The following ZNF862 variants were observed in gnomAD, a reference collection of about 807,000 sequenced individuals.
ZNF862 encodes the protein zinc finger protein 862.
In ZNF862, 64 loss-of-function variants were observed where a neutral mutation model predicts 91.1. The observed-to-expected ratio is 0.70, with a 90% CI of 0.57 to 0.87. The LOEUF (loss-of-function observed/expected upper bound fraction) is 0.87. Ranked by LOEUF, ZNF862 falls within the 40% of genes least tolerant of loss-of-function variation. ZNF862 has a pLI of 0.00. For synonymous variants in ZNF862, 631 were observed against 618.1 expected (o/e 1.02, Z -0.31); for missense variants, 1,459 against 1,528.0 (o/e 0.95, Z 0.75).
Position 149,848,080 on chromosome 7 carries a change from G to T in ZNF862, c.587G>T (p.Ser196Ile). 6.2e-7 allele frequency: 1 copy of T among 1,614,056 alleles called. No homozygotes were observed. ...KVETLKYHAK[S>I]KAHMFCVNAL... is the part of the protein sequence containing the mutation. Reference sequence around the variant, plus strand: ...GAGACTCTCAAATACCACGCGAAGAGCAAGGCCCACATGTTCTGTGTCAAT... The same window carrying T: ...GAGACTCTCAAATACCACGCGAAGATCAAGGCCCACATGTTCTGTGTCAAT... The change falls in exon 4 of 8, where the codon AGC (serine) becomes ATC (isoleucine). Residue 196 changes from serine (S) to isoleucine (I), a missense_variant. Coordinates refer to ENST00000223210, the MANE Select transcript of ZNF862 (RefSeq NM_001099220.3).
At position 149,861,293 on chromosome 7, in the gene ZNF862, G is replaced by C. The variant is rs1313510858; in HGVS notation, c.2133G>C (p.Lys711Asn). ...MLSCRGGLVE[K>N]FQEVIPQLLP... ...GCTGCAGAGGAGGCCTTGTGGAAAA[G>C]TTCCAGGAGGTCATCCCGCAGCTGC... Residue 711 changes from lysine to asparagine, a missense_variant, in exon 7 of 8, where the codon AAG becomes AAC. Coordinates refer to ENST00000223210, the MANE Select transcript of ZNF862 (RefSeq NM_001099220.3). This position sits in a 1 kb window ranked among gnomAD's most constrained non-coding sequence, Gnocchi z 6.7. 6.2e-7 allele frequency: 1 copy of C among 1,612,562 alleles called. No individual in the cohort carries two copies. The highest frequency in any genetic ancestry group is 8.5e-7 in the Non-Finnish European group (1 of 1,179,780).
At chr7:149,854,814 C>T (rs952689358) in intron 5 of ZNF862, among the ~76,000 whole-genome samples, 3 of 152,242 alleles carry the variant, frequency 2.0e-5, no homozygotes, top group Non-Finnish European at 2.9e-5. Flanking sequence ...TGTTTGGAAT[C>T]GTCACGTGCC....
intron 5 of ZNF862, among the ~76,000 whole-genome samples, chr7:149,856,599 G>A (rs1286145977): frequency 6.6e-6 from 1 of 152,120 alleles, no homozygotes; most frequent in Non-Finnish European, 1.5e-5. Flanking sequence ...TCTTTTCCAC[G>A]TGACGGGACA....
At chr7:149,843,961 A>C (rs1801788983) in intron 1 of ZNF862, among the ~76,000 whole-genome samples, 1 of 152,096 alleles carries the variant, frequency 6.6e-6, no homozygotes, top group Admixed American at 6.5e-5. Flanking sequence ...GGTTTTCAAG[A>C]GTGTATTGCT....
rs1482071235 is a variant in ZNF862 at position 149,866,447 on chromosome 7, A to G, written c.*2163A>G. 1.3e-5 allele frequency: 2 copies of G among 152,228 alleles called. No individual in the cohort carries two copies. Among genetic ancestry groups the G allele is most frequent in the African/African-American group, 4.8e-5 (2 of 41,448 alleles). The allele number at this position is 152,228 out of a possible 1,614,324, so 9.4% of individuals were successfully genotyped here. A position where few individuals can be genotyped will look rare whatever the true frequency, so the allele number is the denominator to read the frequency against. ...TTCCACATCAAGGTGCTGTTCCAGCACACATGCTTCCTGCGGCCTCTTCAT... is the reference window on the plus strand; with the variant it reads ...TTCCACATCAAGGTGCTGTTCCAGCGCACATGCTTCCTGCGGCCTCTTCAT... On this transcript the variant is annotated 3_prime_UTR_variant, in exon 8 of 8. Transcript: ENST00000223210.
chr7:149,865,682 C>T lies in ZNF862; in HGVS notation c.*1398C>T, dbSNP rs1802690126. ...ACCATGGGCAGGAAATGAGGCAAGT[C>T]AGCAGGCAGGGTTTCTCTGCCCTGC... On this transcript the variant is annotated 3_prime_UTR_variant, in exon 8 of 8. Transcript: ENST00000223210. 1 of 152,338 alleles carries T rather than the reference C, an allele frequency of 6.6e-6. No individual in the cohort carries two copies. 9.4% of individuals were successfully genotyped at this position (152,338 alleles called of 1,614,324 possible). A position where few individuals can be genotyped will look rare whatever the true frequency, so the allele number is the denominator to read the frequency against.
Position 149,846,171 on chromosome 7 carries a change from G to C in ZNF862, c.157G>C (p.Glu53Gln). 2 of 1,612,142 alleles carry C rather than the reference G, an allele frequency of 1.2e-6. No homozygotes were observed. Among genetic ancestry groups the C allele is most frequent in the Non-Finnish European group, 1.7e-6 (2 of 1,179,572 alleles). Residue 53 changes from glutamate to glutamine, a missense_variant, in exon 3 of 8, where the codon GAG (glutamate) becomes CAG (glutamine). Transcript: ENST00000223210. ...CTCAGGACCAACTGTTGCCAATCCT[G>C]AGCTGTTCCGCAAGTTCGGACGAGG... ...APLGPTVANP[E>Q]LFRKFGRGPE...
In ZNF862 at chr7:149,861,302, G is replaced by A. The variant is rs748025900; in HGVS notation, c.2142G>A (p.Glu714=). 14 of 1,612,712 alleles carry A rather than the reference G, an allele frequency of 8.7e-6. No homozygotes were observed. The highest frequency in any genetic ancestry group is 1.1e-5 in the Non-Finnish European group (13 of 1,179,824). The change falls in exon 7 of 8, where the codon GAG becomes GAA. Residue 714 remains glutamate (E), a synonymous_variant. Coordinates refer to ENST00000223210, the MANE Select transcript of ZNF862 (RefSeq NM_001099220.3). The surrounding 1 kb of genome is among the most constrained non-coding windows in gnomAD (Gnocchi z 6.7). ...CRGGLVEKFQ[E]VIPQLLPVHC... Reference sequence around the variant, plus strand: ...GAGGCCTTGTGGAAAAGTTCCAGGAGGTCATCCCGCAGCTGCTGCCTGTCC... The same window carrying A: ...GAGGCCTTGTGGAAAAGTTCCAGGAAGTCATCCCGCAGCTGCTGCCTGTCC...
chr7:149,849,650 G>C (rs909497932), intron 4 of ZNF862, among the ~76,000 whole-genome samples: 1 of 152,140 alleles, frequency 6.6e-6, no homozygotes, highest in Non-Finnish European at 1.5e-5. Flanking sequence ...TTCTTTTCCT[G>C]TTCCTGATAT....
Position 149,861,629 on chromosome 7 carries a change from C to T in ZNF862, c.2469C>T (p.His823=), listed in dbSNP as rs904401574. ...CAGAGGCTGGGGGCCAGATTGGGCA[C>T]CGGGCCAAAGGGATGCTGAAGCTCA... The part of the protein sequence containing the change: ...RVAEAGGQIG[H]RAKGMLKLMR... Residue 823 remains histidine, a synonymous_variant, in exon 7 of 8, where the codon CAC becomes CAT. Coordinates refer to ENST00000223210, the MANE Select transcript of ZNF862 (RefSeq NM_001099220.3). This position sits in a 1 kb window ranked among gnomAD's most constrained non-coding sequence, Gnocchi z 6.7. 27 of 1,604,322 alleles carry T rather than the reference C, an allele frequency of 1.7e-5. No individual in the cohort carries two copies. The highest frequency in any genetic ancestry group is 2.2e-5 in the Non-Finnish European group (26 of 1,177,166).
At chr7:149,841,442 C>G (rs1373333593) in intron 1 of ZNF862, 1 of 981,372 alleles carries the variant, frequency 1.0e-6, no homozygotes, top group Non-Finnish European at 1.2e-6. Flanking sequence ...TCTTCCTAAC[C>G]CTTATCACTA....
Position 149,862,006 on chromosome 7 carries a change from T to C in ZNF862, c.2846T>C (p.Val949Ala). 1 of 1,613,420 alleles carries C rather than the reference T, an allele frequency of 6.2e-7. No homozygotes were observed. The highest frequency in any genetic ancestry group is 8.5e-7 in the Non-Finnish European group (1 of 1,179,800). ...CCCCCACAGCTGAAGAACATGGAGG[T>C]GTTTGACACCATGGCCTGGCCAAGT... ...DRPPQLKNME[V>A]FDTMAWPSGI... Residue 949 changes from valine (V) to alanine (A), a missense_variant, in exon 7 of 8, where the codon GTG (valine) becomes GCG (alanine). Coordinates refer to ENST00000223210, the MANE Select transcript of ZNF862 (RefSeq NM_001099220.3).
intron 3 of ZNF862, 63 bp from the exon 4 acceptor site, chr7:149,847,672 G>A: frequency 8.4e-7 from 1 of 1,194,926 alleles, no homozygotes; most frequent in Non-Finnish European, 1.2e-6. Context: ...CAGAGCCCCT[G>A]TGAGTTGCAG....
rs559759865 is a variant in ZNF862, at chr7:149,850,957, G to A, written c.1117+619G>A. 6.5e-6 allele frequency: 1 copy of A among 153,038 alleles called. No homozygotes were observed. Among genetic ancestry groups the A allele is most frequent in the Non-Finnish European group, 1.5e-5 (1 of 68,568 alleles). The allele number at this position is 153,038 out of a possible 1,614,324, so 9.5% of individuals were successfully genotyped here. ...GCAGCCTTCAGCACGGGAGTCATGGGGTTTGGACCTTGGCAGATTAGGAAG... is the reference window on the plus strand; with the variant it reads ...GCAGCCTTCAGCACGGGAGTCATGGAGTTTGGACCTTGGCAGATTAGGAAG... On this transcript the variant is annotated intron_variant, in intron 5 of 7. Transcript: ENST00000223210. The surrounding 1 kb of genome is among the most constrained non-coding windows in gnomAD (Gnocchi z 4.2).
chr7:149,852,337 T>TG (rs1554448262), intron 5 of ZNF862, among the ~76,000 whole-genome samples: 2 of 140,408 alleles, frequency 1.4e-5, no homozygotes, highest in African/African-American at 5.4e-5. Flanking sequence ...GAACTCAGTT[T>TG]TGTGTGTGTG....
At position 149,858,157 on chromosome 7, in the gene ZNF862, G is replaced by C. The variant is rs957714130; in HGVS notation, c.1118-1265G>C. 7.9e-5 allele frequency among the ~76,000 whole-genome samples: 12 copies of C among 152,230 alleles called. No individual in the cohort carries two copies. The East Asian group carries it at 2.3e-3, about 29-fold the overall frequency. ...CCCATACCTGTTGCCTGCAGTTTCT[G>C]AATCTTTCTGGGATTCTCTGGTACC... On this transcript the variant is annotated intron_variant, in intron 5 of 7. Coordinates refer to ENST00000223210, the MANE Select transcript of ZNF862 (RefSeq NM_001099220.3).
Position 149,867,345 on chromosome 7 carries a change from T to C in ZNF862, c.*3061T>C, listed in dbSNP as rs1802770250. ...GCGGGTCCCTCATACAGGTGTGTGC[T>C]TAGCCAAATACAGTAACTGTGACTG... On this transcript the variant is annotated 3_prime_UTR_variant, in exon 8 of 8. Transcript: ENST00000223210. The C allele has an allele frequency of 6.6e-6, 1 of 152,146 alleles. No homozygotes were observed. Among genetic ancestry groups the C allele is most frequent in the Non-Finnish European group, 1.5e-5 (1 of 68,042 alleles). The allele number at this position is 152,146 out of a possible 1,614,324, so 9.4% of individuals were successfully genotyped here.
chr7:149,860,853 A>G lies in ZNF862; in HGVS notation c.1693A>G (p.Ile565Val). The G allele has an allele frequency of 6.2e-7, 1 of 1,613,642 alleles. No homozygotes were observed. Among genetic ancestry groups the G allele is most frequent in the Non-Finnish European group, 8.5e-7 (1 of 1,179,870 alleles). The change falls in exon 7 of 8, where the codon ATT (isoleucine) becomes GTT (valine). Residue 565 changes from isoleucine to valine, a missense_variant. Physicochemically the swap from Ile to Val is conservative, Grantham distance 29. Transcript: ENST00000223210. Reference sequence around the variant, plus strand: ...GCACTTTTTCAATGCCGCCTACTCCATTGCATACCACTCAAGGCCCCTGAA... The same window carrying G: ...GCACTTTTTCAATGCCGCCTACTCCGTTGCATACCACTCAAGGCCCCTGAA... ...MEHFFNAAYS[I>V]AYHSRPLNDF...
Position 149,838,630 on chromosome 7 carries a change from G to T in ZNF862, c.19G>T (p.Gly7Trp). The change falls in exon 1 of 8, where the codon GGG (glycine) becomes TGG (tryptophan). Residue 7 changes from glycine to tryptophan, a missense_variant. Transcript: ENST00000223210. ...CGGGGCCATGGAGCCCAGAGAGTCGGGGAAGGTAGGACTGGAAGGCCCGGG... is the reference window on the plus strand; with the variant it reads ...CGGGGCCATGGAGCCCAGAGAGTCGTGGAAGGTAGGACTGGAAGGCCCGGG... MEPRES[G>W]KAPVTFDDIT... is the part of the protein sequence containing the mutation. The T allele has an allele frequency of 1.6e-6, 2 of 1,228,490 alleles. No individual in the cohort carries two copies. Among genetic ancestry groups the T allele is most frequent in the Non-Finnish European group, 1.0e-6 (1 of 980,652 alleles). 76.1% of individuals were successfully genotyped at this position (1,228,490 alleles called of 1,614,324 possible).
Sources: gnomAD v4.1 joint callset for allele counts (sites outside exome capture counted in the v4.1 genomes callset) on GRCh38, gnomAD v4.1.1 for gene constraint, Gnocchi (gnomAD v3.1) non-coding constraint, MANE v1.5 for transcripts, NCBI Gene and HGNC (gene_info 2026-07-23, HGNC 2026-07-21) for gene names.